Variants in AKT3 observed in about 807,000 individuals in gnomAD.
The protein encoded by AKT3 is RAC-gamma serine/threonine-protein kinase.
AKT3 carries 15 observed loss-of-function variants against 65.3 expected under a neutral mutation model. That is an observed-to-expected ratio of 0.23 (90% CI 0.15 to 0.35). The LOEUF (loss-of-function observed/expected upper bound fraction) is 0.35. Among genes scored for constraint, AKT3 ranks in the 10% least tolerant of loss-of-function variants. The pLI, the probability that AKT3 is intolerant of heterozygous loss-of-function variation, is 1.00. For missense variants in AKT3, 243 were observed against 576.5 expected (o/e 0.42, Z 5.92); for synonymous variants, 206 against 183.8 (o/e 1.12, Z -0.98).
At chr1:243,806,398 A>G (rs1396182728) in intron 2 of AKT3, among the ~76,000 whole-genome samples, 3 of 152,198 alleles carry the variant, frequency 2.0e-5, no homozygotes, top group South Asian at 2.1e-4. Context: ...TCAGAATGTC[A>G]GAAGCATAAT....
intron 12 of AKT3, among the ~76,000 whole-genome samples, chr1:243,539,253 C>G (rs1672130522): frequency 6.6e-6 from 1 of 152,112 alleles, no homozygotes; most frequent in Non-Finnish European, 1.5e-5. Context: ...AACATGAAGA[C>G]AACGAGGAGG....
intron 2 of AKT3, among the ~76,000 whole-genome samples, chr1:243,800,789 A>C (rs1692336713): frequency 6.6e-6 from 1 of 152,280 alleles, no homozygotes; most frequent in African/African-American, 2.4e-5. Context: ...GAACTACCTT[A>C]GGCAAATTAA....
intron 8 of AKT3, among the ~76,000 whole-genome samples, chr1:243,610,607 A>G (rs1188138034): frequency 2.0e-5 from 3 of 152,196 alleles, no homozygotes; most frequent in Non-Finnish European, 4.4e-5. Context: ...ACTTTCAACT[A>G]TTAGATAATA....
intron 3 of AKT3, among the ~76,000 whole-genome samples, chr1:243,686,335 T>C (rs1684288780): frequency 6.6e-6 from 1 of 152,022 alleles, no homozygotes; most frequent in South Asian, 2.1e-4. Context: ...CTCTGTTTAG[T>C]CATTAAGAAA....
At position 243,501,432 on chromosome 1, in the gene AKT3, G is replaced by C. The variant is rs547675480; in HGVS notation, c.*3817C>G. The C allele has an allele frequency of 1.9e-4, 44 of 232,918 alleles. No individual in the cohort carries two copies. The highest frequency in any genetic ancestry group is 3.5e-4 in the Non-Finnish European group (41 of 117,954). 14.4% of individuals were successfully genotyped at this position (232,918 alleles called of 1,614,324 possible). ...AAACCGTGTGTTGTATAGATGATTC[G>C]GGTCTGAATGTCCCCAGGGTCTGAG... On this transcript the variant is annotated 3_prime_UTR_variant, in exon 14 of 14. Coordinates refer to ENST00000673466, the MANE Select transcript of AKT3 (RefSeq NM_005465.7).
chr1:243,640,095 C>G (rs1680259993), intron 5 of AKT3, among the ~76,000 whole-genome samples: 1 of 152,158 alleles, frequency 6.6e-6, no homozygotes. Context: ...AAGTGTCTTA[C>G]ATTCAATAAT....
chr1:243,577,407 A>C (rs1226811266), intron 8 of AKT3, among the ~76,000 whole-genome samples: 1 of 152,126 alleles, frequency 6.6e-6, no homozygotes, highest in East Asian at 1.9e-4. Flanking sequence ...TCAGCCTCTC[A>C]AAGCGCTGGG....
At chr1:243,710,966 A>T (rs1400537516) in intron 2 of AKT3, among the ~76,000 whole-genome samples, 1 of 152,234 alleles carries the variant, frequency 6.6e-6, no homozygotes, top group East Asian at 1.9e-4. Context: ...AGAAAAGTTC[A>T]GCTCCAAAAT....
intron 11 of AKT3, among the ~76,000 whole-genome samples, chr1:243,551,900 T>C (rs1417486844): frequency 6.6e-6 from 1 of 152,176 alleles, no homozygotes; most frequent in East Asian, 1.9e-4. Context: ...AATTCATAGC[T>C]GTAGCTACAA....
At chr1:243,718,617 C>G (rs1686670873) in intron 2 of AKT3, among the ~76,000 whole-genome samples, 1 of 149,316 alleles carries the variant, frequency 6.7e-6, no homozygotes, top group South Asian at 2.2e-4. Context: ...CCCTCACCAC[C>G]ACGCCTGGAT....
intron 2 of AKT3, among the ~76,000 whole-genome samples, chr1:243,812,486 C>G (rs1693226990): frequency 1.3e-5 from 2 of 152,162 alleles, no homozygotes; most frequent in South Asian, 4.1e-4. Flanking sequence ...CCATCTCACA[C>G]CAGTTAGAAT....
chr1:243,612,691 A>C lies in AKT3; in HGVS notation c.696+980T>G, dbSNP rs1677959233. The C allele has an allele frequency of 2.0e-5, 3 of 152,984 alleles. No individual in the cohort carries two copies. In the South Asian group the frequency reaches 6.2e-4, roughly 32 times the overall value. 9.5% of individuals were successfully genotyped at this position (152,984 alleles called of 1,614,324 possible). A position where few individuals can be genotyped will look rare whatever the true frequency, so the allele number is the denominator to read the frequency against. Reference sequence around the variant, plus strand: ...AGGAGAAGGAATAAAGGAATGAGTGAAATGTGCTAATAAAAATATTAAATT... The same window carrying C: ...AGGAGAAGGAATAAAGGAATGAGTGCAATGTGCTAATAAAAATATTAAATT... On this transcript the variant is annotated intron_variant, in intron 8 of 13. Transcript: ENST00000673466.
chr1:243,488,636 C>T (rs747044480), intron 13 of AKT3, among the ~76,000 whole-genome samples: 1 of 152,194 alleles, frequency 6.6e-6, no homozygotes, highest in Non-Finnish European at 1.5e-5. Flanking sequence ...ACCCACTTCC[C>T]CAGCCGGGGC....
intron 2 of AKT3, among the ~76,000 whole-genome samples, chr1:243,795,232 A>C (rs1329769454): frequency 6.6e-6 from 1 of 151,860 alleles, no homozygotes; most frequent in African/African-American, 2.4e-5. Context: ...GAAAAGAACT[A>C]ACTGAAAGAT....
intron 10 of AKT3, among the ~76,000 whole-genome samples, chr1:243,562,123 A>G (rs186765951): frequency 6.4e-4 from 97 of 152,336 alleles, no homozygotes; most frequent in South Asian, 2.1e-3. Context: ...GTATATCCAT[A>G]TAATGGAATA....
At chr1:243,494,222 T>C (rs1359587220) in intron 13 of AKT3, among the ~76,000 whole-genome samples, 1 of 152,216 alleles carries the variant, frequency 6.6e-6, no homozygotes, top group African/African-American at 2.4e-5. Flanking sequence ...AAATTGTTGT[T>C]TTTTTGTTTT....
Position 243,765,190 on chromosome 1 carries a change from T to G in AKT3, c.47-69474A>C, listed in dbSNP as rs529246600. Among the ~76,000 whole-genome samples, 8 of 152,208 alleles carry G rather than the reference T, an allele frequency of 5.3e-5. No homozygotes were observed. The East Asian group carries it at 1.2e-3, about 22-fold the overall frequency. The stretch of plus-strand genomic sequence containing the variant: ...ATGGCTTACAGTAATACATTTAATG[T>G]GTATAAAACTTATTTAAATTTTAAA... On this transcript the variant is annotated intron_variant, in intron 2 of 13. Coordinates refer to ENST00000673466, the MANE Select transcript of AKT3 (RefSeq NM_005465.7).
chr1:243,727,042 C>A (rs1687252670), intron 2 of AKT3, among the ~76,000 whole-genome samples: 1 of 152,176 alleles, frequency 6.6e-6, no homozygotes, highest in Admixed American at 6.5e-5. Flanking sequence ...CAGATTCCTT[C>A]CATACCCCCA....
At chr1:243,596,837 G>A (rs1676650949) in intron 8 of AKT3, among the ~76,000 whole-genome samples, 1 of 152,170 alleles carries the variant, frequency 6.6e-6, no homozygotes, top group Non-Finnish European at 1.5e-5. Flanking sequence ...TGGTATAGCT[G>A]TGCAAAGGAT....
Sources: allele counts gnomAD v4.1 joint callset (sites outside exome capture counted in the v4.1 genomes callset), GRCh38; gene constraint gnomAD v4.1.1; transcripts MANE v1.5; gene names NCBI Gene and HGNC (gene_info 2026-07-23, HGNC 2026-07-21).